The following MARCHF1 variants were observed in gnomAD, a reference collection of about 807,000 sequenced individuals.
The protein encoded by MARCHF1 is membrane associated ring-CH-type finger 1.
Under a neutral mutation model 54.2 loss-of-function variants are expected in MARCHF1, and 40 were observed. The observed-to-expected ratio is 0.74, with a 90% CI of 0.57 to 0.96. The LOEUF (loss-of-function observed/expected upper bound fraction) is 0.96, where lower values mean the gene tolerates loss of function less well. Among genes scored for constraint, MARCHF1 ranks in the 40% least tolerant of loss-of-function variants. The probability of loss-of-function intolerance (pLI) is 0.00; values close to 1 mark genes in which losing one functional copy is unlikely to be tolerated. For synonymous variants in MARCHF1, 236 were observed against 236.3 expected (o/e 1.00, Z 0.01); for missense variants, 586 against 656.5 (o/e 0.89, Z 1.17).
chr4:164,041,926 A>C (rs962342002), intron 2 of MARCHF1, among the ~76,000 whole-genome samples: 2 of 152,142 alleles, frequency 1.3e-5, no homozygotes, highest in Admixed American at 6.6e-5. Context: ...AGGGGAAAAA[A>C]TGATCCCTTA....
rs1409450165 is a variant in MARCHF1 at position 163,697,418 on chromosome 4, C to G, written c.162+3395G>C. Among the ~76,000 whole-genome samples, 3 of 152,162 alleles carry G rather than the reference C, an allele frequency of 2.0e-5. No individual in the cohort carries two copies. The East Asian group carries it at 5.8e-4, about 29-fold the overall frequency. ...AGGAGTCTCATGCCTGTTATGTGAA[C>G]TCTTCTGTGCACTGTTAGTTACCCC... On this transcript the variant is annotated intron_variant, in intron 5 of 9. Coordinates refer to ENST00000514618, the MANE Select transcript of MARCHF1 (RefSeq NM_001394959.1).
At chr4:163,975,583 G>A (rs539288884) in intron 3 of MARCHF1, among the ~76,000 whole-genome samples, 6 of 152,126 alleles carry the variant, frequency 3.9e-5, no homozygotes, top group Non-Finnish European at 8.8e-5. Flanking sequence ...GTTCTTTTCA[G>A]GTAAACATCC....
chr4:163,691,801 C>G (rs538870734), intron 5 of MARCHF1, among the ~76,000 whole-genome samples: 1 of 152,136 alleles, frequency 6.6e-6, no homozygotes, highest in Admixed American at 6.5e-5. Context: ...TTTTTCCCCA[C>G]GCAGATGTTT....
chr4:164,141,118 A>T (rs1756523165), intron 1 of MARCHF1, among the ~76,000 whole-genome samples: 1 of 152,232 alleles, frequency 6.6e-6, no homozygotes, highest in South Asian at 2.1e-4. Flanking sequence ...GGAAAGAGAA[A>T]ACTGGGGAGA....
chr4:164,002,246 G>A (rs1033578856), intron 2 of MARCHF1, among the ~76,000 whole-genome samples: 2 of 151,466 alleles, frequency 1.3e-5, no homozygotes, highest in Non-Finnish European at 3.0e-5. Flanking sequence ...CCTTAATCAC[G>A]ATTAAGGTCA....
At chr4:164,323,716 T>C (rs1003941967) in intron 1 of MARCHF1, among the ~76,000 whole-genome samples, 2 of 150,958 alleles carry the variant, frequency 1.3e-5, no homozygotes, top group Non-Finnish European at 3.0e-5. Flanking sequence ...TAATTGAAAT[T>C]ACGGCAGTAA....
intron 1 of MARCHF1, among the ~76,000 whole-genome samples, chr4:164,350,730 C>A (rs2110880975): frequency 6.6e-6 from 1 of 152,306 alleles, no homozygotes; most frequent in African/African-American, 2.4e-5. Flanking sequence ...TTAGGAGAAG[C>A]CAGTTCAATA....
At chr4:164,049,324 C>T (rs1310749998) in intron 2 of MARCHF1, among the ~76,000 whole-genome samples, 1 of 152,166 alleles carries the variant, frequency 6.6e-6, no homozygotes, top group African/African-American at 2.4e-5. Context: ...CACCTCCCAC[C>T]CACCAGGTCC....
chr4:163,896,727 A>G (rs967980014), intron 3 of MARCHF1, among the ~76,000 whole-genome samples: 9 of 152,176 alleles, frequency 5.9e-5, no homozygotes, highest in African/African-American at 2.2e-4. Flanking sequence ...AAGTGCTTGT[A>G]AAAGAGAATT....
chr4:164,153,331 A>G (rs1413184842), intron 1 of MARCHF1, among the ~76,000 whole-genome samples: 2 of 152,142 alleles, frequency 1.3e-5, no homozygotes, highest in African/African-American at 2.4e-5. Context: ...CCTTTTAAAC[A>G]AGAAAACTTT....
chr4:163,857,777 CT>C (rs1263903560), intron 3 of MARCHF1, among the ~76,000 whole-genome samples: 1 of 152,128 alleles, frequency 6.6e-6, no homozygotes, highest in East Asian at 1.9e-4. Flanking sequence ...AAAACATCTA[CT>C]GAACATTTTC....
At chr4:164,012,788 G>A (rs988972346) in intron 2 of MARCHF1, among the ~76,000 whole-genome samples, 4 of 152,106 alleles carry the variant, frequency 2.6e-5, no homozygotes, top group African/African-American at 9.7e-5. Flanking sequence ...CCAAGGCAGT[G>A]TCTATAGGAG....
chr4:164,185,179 G>A (rs531043551), intron 1 of MARCHF1, among the ~76,000 whole-genome samples: 189 of 152,292 alleles, frequency 1.2e-3, no homozygotes, highest in South Asian at 0.01. Context: ...AAAAATATCA[G>A]TAAACCTCAA....
At chr4:164,279,732 CTG>C (rs1212079231) in intron 1 of MARCHF1, among the ~76,000 whole-genome samples, 2 of 139,702 alleles carry the variant, frequency 1.4e-5, no homozygotes, top group African/African-American at 2.6e-5. Context: ...GAAACTGTAA[CTG>C]TGAAATGTAT....
chr4:163,988,446 G>A (rs1304610406), intron 3 of MARCHF1, 55 bp downstream of exon 3: 2 of 152,286 alleles, frequency 1.3e-5, no homozygotes, highest in African/African-American at 4.8e-5. Flanking sequence ...GCAGAGAGCA[G>A]TGTTGGCAAC....
intron 1 of MARCHF1, among the ~76,000 whole-genome samples, chr4:164,240,607 C>T (rs1306219073): frequency 6.6e-5 from 10 of 151,990 alleles, no homozygotes; most frequent in Non-Finnish European, 1.5e-5. Context: ...ATCTTAGGTC[C>T]CACCAACTGA....
chr4:163,984,493 C>T (rs1051734416), intron 3 of MARCHF1, among the ~76,000 whole-genome samples: 4 of 152,130 alleles, frequency 2.6e-5, no homozygotes, highest in East Asian at 3.9e-4. Flanking sequence ...CAGCATGCAG[C>T]GCAGGTGCCA....
At chr4:163,881,209 T>A (rs1750407701) in intron 3 of MARCHF1, among the ~76,000 whole-genome samples, 1 of 152,200 alleles carries the variant, frequency 6.6e-6, no homozygotes, top group Non-Finnish European at 1.5e-5. Flanking sequence ...GCATGGTGGC[T>A]CATGCCTGTA....
At chr4:164,369,233 G>T (rs532927380) in intron 1 of MARCHF1, among the ~76,000 whole-genome samples, 175 of 152,284 alleles carry the variant, frequency 1.1e-3, no homozygotes, top group African/African-American at 4.1e-3. Context: ...AATCCTTGAA[G>T]GGGGACTGGG....
Sources: allele counts gnomAD v4.1 joint callset (sites outside exome capture counted in the v4.1 genomes callset), GRCh38; gene constraint gnomAD v4.1.1; transcripts MANE v1.5; gene names NCBI Gene and HGNC (gene_info 2026-07-23, HGNC 2026-07-21).